PDE8B: variants seen among roughly 807,000 people sequenced by gnomAD.
PDE8B encodes phosphodiesterase 8B, also known as high affinity cAMP-specific and IBMX-insensitive 3',5'-cyclic phosphodiesterase 8B.
In PDE8B, 26 loss-of-function variants were observed where a neutral mutation model predicts 101.3. The ratio of observed to expected loss-of-function variants is 0.26; its 90% CI spans 0.19 to 0.36. The LOEUF (loss-of-function observed/expected upper bound fraction) is 0.36, where lower values mean the gene tolerates loss of function less well. PDE8B is among the 10% of genes least tolerant of loss of function. The probability of loss-of-function intolerance (pLI) is 1.00; values close to 1 mark genes in which losing one functional copy is unlikely to be tolerated. For missense variants in PDE8B, 810 were observed against 1,163.1 expected, an observed-to-expected ratio of 0.70 and a Z score of 4.42; for synonymous variants, 424 against 429.3, an observed-to-expected ratio of 0.99 and a Z score of 0.15.
chr5:77,233,615 C>G (rs1042606960), intron 1 of PDE8B, among the ~76,000 whole-genome samples: 1 of 149,816 alleles, frequency 6.7e-6, no homozygotes, highest in East Asian at 2.0e-4. Context: ...TAGCTACTGG[C>G]GTTTCAGTCT....
intron 7 of PDE8B, among the ~76,000 whole-genome samples, chr5:77,347,368 A>T (rs533502711): frequency 6.6e-6 from 1 of 152,218 alleles, no homozygotes; most frequent in African/African-American, 2.4e-5. Context: ...TCCAGAATCC[A>T]TATCTGGGAG....
intron 10 of PDE8B, among the ~76,000 whole-genome samples, chr5:77,356,345 C>T (rs536626870): frequency 6.6e-6 from 1 of 152,296 alleles, no homozygotes; most frequent in South Asian, 2.1e-4. Context: ...TTTCAAGGAT[C>T]TGCAACCATG....
At chr5:77,136,900 G>A in the PDE8B span, among the ~76,000 whole-genome samples, 1 of 152,006 alleles carries the variant, frequency 6.6e-6, no homozygotes, top group Non-Finnish European at 1.5e-5. Flanking sequence ...TTGGGCTATG[G>A]GTGAGGACTA....
intron 1 of PDE8B, among the ~76,000 whole-genome samples, chr5:77,293,176 G>A (rs2149967153): frequency 6.6e-6 from 1 of 152,024 alleles, no homozygotes; most frequent in East Asian, 1.9e-4. Flanking sequence ...TATATGTATA[G>A]ATATGTGTAA....
chr5:77,171,983 C>T, the PDE8B span, among the ~76,000 whole-genome samples: 1 of 152,152 alleles, frequency 6.6e-6, no homozygotes, highest in Non-Finnish European at 1.5e-5. Flanking sequence ...CCAGCACAAT[C>T]CTTTCTAGCT....
chr5:77,270,835 C>T (rs1762623567), intron 1 of PDE8B, among the ~76,000 whole-genome samples: 1 of 152,210 alleles, frequency 6.6e-6, no homozygotes, highest in Non-Finnish European at 1.5e-5. Context: ...TGCTCCAGCT[C>T]CTGACCAGGC....
chr5:77,378,529 C>T (rs1020413834), intron 10 of PDE8B, among the ~76,000 whole-genome samples: 21 of 145,798 alleles, frequency 1.4e-4, no homozygotes, highest in African/African-American at 5.2e-4. Flanking sequence ...GGTCTTTTCA[C>T]TTTATTGGTG....
At chr5:77,123,102 T>G in the PDE8B span, among the ~76,000 whole-genome samples, 1 of 152,182 alleles carries the variant, frequency 6.6e-6, no homozygotes, top group Admixed American at 6.5e-5. Flanking sequence ...CTGAGACTAC[T>G]TAGTTTATCA....
chr5:77,290,945 A>T (rs571711143), intron 1 of PDE8B: 3 of 1,610,914 alleles, frequency 1.9e-6, no homozygotes, highest in Admixed American at 1.7e-5. Flanking sequence ...CTTGTGGTGG[A>T]GCAGATACCG....
intron 10 of PDE8B, among the ~76,000 whole-genome samples, chr5:77,399,726 A>C (rs1253465177): frequency 6.6e-6 from 1 of 152,248 alleles, no homozygotes; most frequent in Non-Finnish European, 1.5e-5. Context: ...GAATAGGTGG[A>C]AAACTGCATC....
the PDE8B span, among the ~76,000 whole-genome samples, chr5:77,182,787 T>A: frequency 6.6e-5 from 10 of 152,062 alleles, no homozygotes; most frequent in African/African-American, 2.4e-4. Flanking sequence ...TATACACATC[T>A]TATTTTTATT....
At chr5:77,375,979 G>T (rs148088665) in intron 10 of PDE8B, among the ~76,000 whole-genome samples, 1 of 135,916 alleles carries the variant, frequency 7.4e-6, no homozygotes, top group Admixed American at 8.4e-5. Context: ...CGCAACCTCC[G>T]CCTCCCAGGT....
chr5:77,312,060 C>T lies in PDE8B; in HGVS notation c.399+7C>T. 1 of 1,598,398 alleles carries T rather than the reference C, an allele frequency of 6.3e-7. No homozygotes were observed. Among genetic ancestry groups the T allele is most frequent in the Non-Finnish European group, 8.6e-7 (1 of 1,166,084 alleles). ...GACGCAGGACCCTATTCAGGTACGC[C>T]TCCTTTACTCAGCCCTGTGACTCAG... On this transcript the variant is annotated splice_region_variant and intron_variant, in intron 2 of 21. Transcript: ENST00000264917.
chr5:77,421,663 G>C (rs998871149), intron 19 of PDE8B, among the ~76,000 whole-genome samples, 158 bp from the exon 20 acceptor site: 3 of 152,082 alleles, frequency 2.0e-5, no homozygotes, highest in Non-Finnish European at 4.4e-5. Context: ...GAATGTGTCA[G>C]TATATTATAT....
chr5:77,148,938 A>G, the PDE8B span, among the ~76,000 whole-genome samples: 2 of 152,164 alleles, frequency 1.3e-5, no homozygotes, highest in African/African-American at 4.8e-5. Context: ...CGTATCTAAG[A>G]ACTCTTTACC....
intron 2 of PDE8B, among the ~76,000 whole-genome samples, chr5:77,317,590 T>G (rs1266060676): frequency 6.6e-6 from 1 of 152,218 alleles, no homozygotes; most frequent in Non-Finnish European, 1.5e-5. Context: ...GAAAGTCATA[T>G]TTTCCAATCT....
chr5:77,178,138 C>G, the PDE8B span, among the ~76,000 whole-genome samples: 1 of 152,198 alleles, frequency 6.6e-6, no homozygotes, highest in Non-Finnish European at 1.5e-5. Context: ...AATTCTCACT[C>G]TCTCAGAAGT....
At chr5:77,400,385 T>C in intron 11 of PDE8B, 95 bp downstream of exon 11, 1 of 842,014 alleles carries the variant, frequency 1.2e-6, no homozygotes, top group South Asian at 1.4e-5. Flanking sequence ...TGACATCTAC[T>C]ACCCCAGAAT....
chr5:77,108,714 A>G, the PDE8B span, among the ~76,000 whole-genome samples: 1 of 152,214 alleles, frequency 6.6e-6, no homozygotes, highest in Non-Finnish European at 1.5e-5. Context: ...GCAATGAAAA[A>G]AATATCAATA....
Sources: allele counts gnomAD v4.1 joint callset (sites outside exome capture counted in the v4.1 genomes callset), GRCh38; gene constraint gnomAD v4.1.1; transcripts MANE v1.5; gene names NCBI Gene and HGNC (gene_info 2026-07-23, HGNC 2026-07-21).